Variants in CCSER1 observed in about 807,000 individuals in gnomAD.
The protein encoded by CCSER1 is serine-rich coiled-coil domain-containing protein 1.
In CCSER1, 41 loss-of-function variants were observed where a neutral mutation model predicts 82.0. That is an observed-to-expected ratio of 0.50 (90% CI 0.39 to 0.65). The LOEUF is 0.65. Ranked by LOEUF, CCSER1 falls within the 30% of genes least tolerant of loss-of-function variation. The pLI, the probability that CCSER1 is intolerant of heterozygous loss-of-function variation, is 0.00. For synonymous variants in CCSER1, 414 were observed against 383.9 expected, an observed-to-expected ratio of 1.08 and a Z score of -0.92; for missense variants, 1,119 against 1,064.2, an observed-to-expected ratio of 1.05 and a Z score of -0.72.
chr4:90,792,358 ACT>A (rs869222257), intron 7 of CCSER1, among the ~76,000 whole-genome samples: 80 of 151,534 alleles, frequency 5.3e-4, no homozygotes, highest in African/African-American at 1.9e-3. Flanking sequence ...TCTAGTTTTT[ACT>A]CTCCTTTGTT....
intron 10 of CCSER1, among the ~76,000 whole-genome samples, chr4:91,330,348 G>A (rs902548925): frequency 6.6e-6 from 1 of 152,122 alleles, no homozygotes; most frequent in South Asian, 2.1e-4. Context: ...TACTCACTTA[G>A]CTGATACTTC....
At chr4:90,400,164 T>C (rs1752612464) in intron 4 of CCSER1, 35 bp downstream of exon 4, 1 of 1,175,686 alleles carries the variant, frequency 8.5e-7, no homozygotes, top group East Asian at 2.4e-5. Flanking sequence ...ATCATACAAC[T>C]CCTACCCTGG....
At chr4:90,895,313 G>A (rs769034783) in intron 8 of CCSER1, among the ~76,000 whole-genome samples, 2 of 151,862 alleles carry the variant, frequency 1.3e-5, no homozygotes, top group African/African-American at 2.4e-5. Flanking sequence ...ATAAGCAGAT[G>A]CAAAATTGCC....
At chr4:91,345,624 C>A (rs1748004586) in intron 10 of CCSER1, among the ~76,000 whole-genome samples, 1 of 152,112 alleles carries the variant, frequency 6.6e-6, no homozygotes, top group African/African-American at 2.4e-5. Context: ...TGATTATTGA[C>A]ATCTTGTATT....
At chr4:90,751,491 C>G (rs1748656419) in intron 7 of CCSER1, among the ~76,000 whole-genome samples, 1 of 151,566 alleles carries the variant, frequency 6.6e-6, no homozygotes. Context: ...CTCAAGAGCT[C>G]CTTGAGGGAA....
intron 1 of CCSER1, among the ~76,000 whole-genome samples, chr4:90,265,753 A>G (rs1474423438): frequency 6.6e-6 from 1 of 152,144 alleles, no homozygotes; most frequent in Non-Finnish European, 1.5e-5. Context: ...AACCTCTTTT[A>G]TAGTACTTCT....
intron 9 of CCSER1, among the ~76,000 whole-genome samples, chr4:90,945,084 G>A (rs1026105347): frequency 2.0e-5 from 3 of 152,080 alleles, no homozygotes; most frequent in African/African-American, 7.2e-5. Flanking sequence ...TTTTCTTGAT[G>A]ATTATCTTTA....
intron 10 of CCSER1, among the ~76,000 whole-genome samples, chr4:91,441,138 T>G (rs1456299013): frequency 3.3e-5 from 5 of 152,126 alleles, no homozygotes; most frequent in African/African-American, 4.8e-5. Context: ...GGATCATCCT[T>G]ATACCAAAGC....
At chr4:91,006,992 A>G (rs1738575886) in intron 9 of CCSER1, among the ~76,000 whole-genome samples, 1 of 152,302 alleles carries the variant, frequency 6.6e-6, no homozygotes, top group African/African-American at 2.4e-5. Flanking sequence ...ATGAGAAAAC[A>G]TAGAATTTTC....
intron 10 of CCSER1, among the ~76,000 whole-genome samples, chr4:91,300,525 T>G (rs1744587078): frequency 6.6e-6 from 1 of 151,906 alleles, no homozygotes; most frequent in South Asian, 2.1e-4. Flanking sequence ...TTCCTTAAAA[T>G]ATAGTCAATT....
At chr4:90,575,523 A>C (rs1197299202) in intron 5 of CCSER1, among the ~76,000 whole-genome samples, 2 of 152,212 alleles carry the variant, frequency 1.3e-5, no homozygotes, top group Admixed American at 6.5e-5. Flanking sequence ...GGAACTTGAG[A>C]GTACACATTT....
chr4:91,466,627 CCTT>C (rs1194406518), intron 10 of CCSER1, among the ~76,000 whole-genome samples: 1 of 152,188 alleles, frequency 6.6e-6, no homozygotes, highest in Non-Finnish European at 1.5e-5. Context: ...CCCAAAATCT[CCTT>C]AAGCTGATAA....
intron 7 of CCSER1, among the ~76,000 whole-genome samples, chr4:90,761,071 G>A (rs922881869): frequency 1.3e-5 from 2 of 152,044 alleles, no homozygotes; most frequent in Non-Finnish European, 2.9e-5. Context: ...AATTTACAGG[G>A]CTCTCTAAAA....
chr4:91,414,708 C>A (rs183599122), intron 10 of CCSER1, among the ~76,000 whole-genome samples: 1 of 152,090 alleles, frequency 6.6e-6, no homozygotes, highest in African/African-American at 2.4e-5. Flanking sequence ...AGGTTGAAAG[C>A]AAAATGACTG....
At position 90,334,827 on chromosome 4, in the gene CCSER1, C is replaced by T. The variant is rs147005244; in HGVS notation, c.1509+21780C>T. 4.6e-5 allele frequency among the ~76,000 whole-genome samples: 7 copies of T among 152,192 alleles called. No individual in the cohort carries two copies. In the East Asian group the frequency reaches 1.4e-3, roughly 29 times the overall value. Reference sequence around the variant, plus strand: ...TTTGTGTACCATTCTAATATTTTGACTTCAATTATAAAATACCACAATTTA... The same window carrying T: ...TTTGTGTACCATTCTAATATTTTGATTTCAATTATAAAATACCACAATTTA... On this transcript the variant is annotated intron_variant, in intron 3 of 10. Coordinates refer to ENST00000509176, the MANE Select transcript of CCSER1 (RefSeq NM_001145065.2).
intron 5 of CCSER1, among the ~76,000 whole-genome samples, chr4:90,604,901 T>C (rs78314927): frequency 0.013 from 1,961 of 152,264 alleles, 49 homozygotes; most frequent in African/African-American, 0.045. Flanking sequence ...AGTGGGCCAA[T>C]CAGCTCTCTG....
At chr4:91,577,974 T>A (rs1763529818) in intron 10 of CCSER1, among the ~76,000 whole-genome samples, 1 of 152,000 alleles carries the variant, frequency 6.6e-6, no homozygotes, top group African/African-American at 2.4e-5. Context: ...CCACTTACAC[T>A]AAAGACTGCA....
chr4:90,941,958 G>GTT (rs112347207), intron 9 of CCSER1, among the ~76,000 whole-genome samples: 10 of 150,838 alleles, frequency 6.6e-5, no homozygotes, highest in Admixed American at 2.0e-4. Flanking sequence ...GTTTTGTTTT[G>GTT]TTTTTTTTGA....
chr4:91,093,982 C>T (rs542816989), intron 10 of CCSER1, among the ~76,000 whole-genome samples: 2 of 152,318 alleles, frequency 1.3e-5, no homozygotes, highest in African/African-American at 4.8e-5. Context: ...TTCTTTCTGA[C>T]CCCAGGCTGT....
Sources: gnomAD v4.1 joint callset for allele counts (sites outside exome capture counted in the v4.1 genomes callset) on GRCh38, gnomAD v4.1.1 for gene constraint, MANE v1.5 for transcripts, NCBI Gene and HGNC (gene_info 2026-07-23, HGNC 2026-07-21) for gene names.